TAFA2: variants seen among roughly 807,000 people sequenced by gnomAD.
TAFA2 encodes TAFA chemokine like family member 2.
TAFA2 carries 7 observed loss-of-function variants against 18.8 expected under a neutral mutation model. That is an observed-to-expected ratio of 0.37 (90% CI 0.21 to 0.70). The LOEUF (loss-of-function observed/expected upper bound fraction) is 0.70. Ranked by LOEUF, TAFA2 falls within the 30% of genes least tolerant of loss-of-function variation. The pLI is 0.53. For missense variants in TAFA2, 122 were observed against 158.1 expected, an observed-to-expected ratio of 0.77 and a Z score of 1.23; for synonymous variants, 60 against 54.2, an observed-to-expected ratio of 1.11 and a Z score of -0.47.
At chr12:61,882,261 G>T (rs1454402804) in intron 1 of TAFA2, among the ~76,000 whole-genome samples, 1 of 152,164 alleles carries the variant, frequency 6.6e-6, no homozygotes, top group African/African-American at 2.4e-5. Context: ...ATGAAAGAAA[G>T]AAAAGGACCT....
intron 4 of TAFA2, among the ~76,000 whole-genome samples, chr12:61,739,365 C>T (rs1210558725): frequency 6.6e-6 from 1 of 152,000 alleles, no homozygotes; most frequent in Non-Finnish European, 1.5e-5. Context: ...GACAATGTCT[C>T]CATCTGTCAC....
chr12:62,121,575 C>T (rs1028663522), intron 1 of TAFA2, among the ~76,000 whole-genome samples: 2 of 152,074 alleles, frequency 1.3e-5, no homozygotes, highest in Non-Finnish European at 2.9e-5. Flanking sequence ...GATTCAACCA[C>T]CAGGAAAGAT....
chr12:61,743,081 C>T (rs1868532043), intron 4 of TAFA2, among the ~76,000 whole-genome samples: 1 of 151,994 alleles, frequency 6.6e-6, no homozygotes, highest in Non-Finnish European at 1.5e-5. Context: ...CAAACTCAAC[C>T]TGCCATGATT....
chr12:61,801,158 T>C (rs1871382575), intron 2 of TAFA2, among the ~76,000 whole-genome samples: 1 of 152,058 alleles, frequency 6.6e-6, no homozygotes, highest in Admixed American at 6.6e-5. Flanking sequence ...TGTTCATGAA[T>C]TGGAAGAATT....
chr12:61,925,516 T>A (rs1877250896), intron 1 of TAFA2, among the ~76,000 whole-genome samples: 1 of 152,106 alleles, frequency 6.6e-6, no homozygotes. Context: ...AAGGCAGAAA[T>A]AAATAAGTTC....
intron 2 of TAFA2, among the ~76,000 whole-genome samples, chr12:61,803,290 TGGA>T (rs1871470396): frequency 6.6e-6 from 1 of 151,888 alleles, no homozygotes; most frequent in African/African-American, 2.4e-5. Flanking sequence ...AAAGCTGCCT[TGGA>T]ATTCTAAGTG....
At chr12:61,924,297 C>T (rs1877184509) in intron 1 of TAFA2, among the ~76,000 whole-genome samples, 1 of 152,088 alleles carries the variant, frequency 6.6e-6, no homozygotes, top group Non-Finnish European at 1.5e-5. Flanking sequence ...TCAGATTCTC[C>T]AAGGTTGAAA....
intron 2 of TAFA2, among the ~76,000 whole-genome samples, chr12:61,843,434 C>A (rs1873272927): frequency 6.6e-6 from 1 of 152,050 alleles, no homozygotes; most frequent in South Asian, 2.1e-4. Context: ...ACACTATTTA[C>A]CATTTTACTT....
chr12:61,988,896 T>C (rs998412653), intron 1 of TAFA2, among the ~76,000 whole-genome samples: 11 of 152,118 alleles, frequency 7.2e-5, no homozygotes, highest in Non-Finnish European at 1.5e-4. Flanking sequence ...GGGATACAAT[T>C]TTCATCTTTG....
Position 61,902,091 on chromosome 12 carries a change from T to TAAAAAAAAAA in TAFA2, c.-1-34675_-1-34666dup, listed in dbSNP as rs750989820. Among the ~76,000 whole-genome samples the TAAAAAAAAAA allele has an allele frequency of 1.7e-3, 194 of 116,426 alleles. 1 individual carries two copies. The highest frequency in any genetic ancestry group is 6.6e-3 in the African/African-American group (183 of 27,898). The allele number at this position is 116,426 out of a possible 152,430, so 76.4% of individuals were successfully genotyped here. On this transcript the variant is annotated intron_variant, in intron 1 of 4. Coordinates refer to ENST00000416284, the MANE Select transcript of TAFA2 (RefSeq NM_178539.5). ...TGATGTAATCATGGTGCAGGAATGT[T>TAAAAAAAAAA]AAAAAAAAAAAAAAAAAAAAAACCT...
At chr12:61,723,887 GTCAGGAAAT>G (rs776948556) in intron 4 of TAFA2, among the ~76,000 whole-genome samples, 28 of 151,966 alleles carry the variant, frequency 1.8e-4, no homozygotes, top group Non-Finnish European at 3.8e-4. Flanking sequence ...GCTTAACACT[GTCAGGAAAT>G]TCTTCTCATG....
At chr12:62,247,085 GTTA>G (rs1286297532) in intron 1 of TAFA2, among the ~76,000 whole-genome samples, 9 of 152,098 alleles carry the variant, frequency 5.9e-5, no homozygotes, top group South Asian at 2.1e-4. Context: ...GCATGCTGCT[GTTA>G]TTGTTTCCTT....
intron 1 of TAFA2, among the ~76,000 whole-genome samples, chr12:62,050,527 G>C (rs1455628136): frequency 6.6e-6 from 1 of 151,444 alleles, no homozygotes; most frequent in Non-Finnish European, 1.5e-5. Flanking sequence ...AGCCGAGATA[G>C]TGCCACTGCA....
At chr12:61,763,489 T>G (rs917554167) in intron 2 of TAFA2, among the ~76,000 whole-genome samples, 8 of 151,990 alleles carry the variant, frequency 5.3e-5, no homozygotes, top group Non-Finnish European at 1.2e-4. Flanking sequence ...CACCCACATT[T>G]TAAATGACAG....
chr12:62,059,272 G>A (rs916620114), intron 1 of TAFA2, among the ~76,000 whole-genome samples: 1 of 151,466 alleles, frequency 6.6e-6, no homozygotes, highest in Non-Finnish European at 1.5e-5. Flanking sequence ...ATCTATGATT[G>A]CACCACTGCA....
intron 1 of TAFA2, among the ~76,000 whole-genome samples, chr12:61,975,025 AT>A (rs11379787): frequency 5.5e-4 from 83 of 150,790 alleles, no homozygotes; most frequent in African/African-American, 1.9e-3. Context: ...GAACCAATAG[AT>A]TTTTTTTTAA....
At position 62,234,487 on chromosome 12, in the gene TAFA2, C is replaced by T. The variant is rs2062826466; in HGVS notation, c.-130+24276G>A. On this transcript the variant is annotated intron_variant, in intron 1 of 5. Transcript: ENST00000551619. ...CTGGTGTTGCTTGAGATGGTCAGAC[C>T]TCATGAACTCTTGGCTGCACTGATC... is the stretch of plus-strand genomic sequence containing the variant. 7.4e-6 allele frequency: 8 copies of T among 1,085,058 alleles called. No homozygotes were observed. The Admixed American group carries it at 1.2e-4, about 16-fold the overall frequency. 67.2% of individuals were successfully genotyped at this position (1,085,058 alleles called of 1,614,324 possible). A position where few individuals can be genotyped will look rare whatever the true frequency, so the allele number is the denominator to read the frequency against.
chr12:61,856,760 C>A (rs1331621773), intron 2 of TAFA2, among the ~76,000 whole-genome samples: 1 of 151,780 alleles, frequency 6.6e-6, no homozygotes, highest in Non-Finnish European at 1.5e-5. Flanking sequence ...CCTAGTAATT[C>A]CCGTACTACA....
At chr12:61,905,620 A>T (rs931339739) in intron 1 of TAFA2, among the ~76,000 whole-genome samples, 1 of 152,168 alleles carries the variant, frequency 6.6e-6, no homozygotes, top group African/African-American at 2.4e-5. Context: ...CAGATAGATC[A>T]TTGTTACATA....
Sources: gnomAD v4.1 joint callset for allele counts (sites outside exome capture counted in the v4.1 genomes callset) on GRCh38, gnomAD v4.1.1 for gene constraint, MANE v1.5 for transcripts, NCBI Gene and HGNC (gene_info 2026-07-23, HGNC 2026-07-21) for gene names.